The following FBLN7 variants were observed in gnomAD, a reference collection of about 807,000 sequenced individuals.
FBLN7 encodes the protein fibulin 7.
Under a neutral mutation model 44.0 loss-of-function variants are expected in FBLN7, and 31 were observed. The observed-to-expected ratio is 0.70, with a 90% CI of 0.53 to 0.95. FBLN7 has a LOEUF of 0.95. Among genes scored for constraint, FBLN7 ranks in the 40% least tolerant of loss-of-function variants. The probability of loss-of-function intolerance (pLI) is 0.00; values close to 1 mark genes in which losing one functional copy is unlikely to be tolerated. For missense variants in FBLN7, 573 were observed against 618.5 expected (o/e 0.93, Z 0.78); for synonymous variants, 262 against 253.4 (o/e 1.03, Z -0.32).
intron 1 of FBLN7, among the ~76,000 whole-genome samples, chr2:112,145,606 G>A (rs890050585): frequency 6.6e-6 from 1 of 152,044 alleles, no homozygotes; most frequent in South Asian, 2.1e-4. Context: ...TGTGTTTTGG[G>A]TGTCAAGTCT....
chr2:112,164,738 C>A (rs931280943), intron 2 of FBLN7, among the ~76,000 whole-genome samples: 2 of 152,224 alleles, frequency 1.3e-5, no homozygotes, highest in African/African-American at 4.8e-5. Context: ...GGGCCTCCCA[C>A]GCTTCGAGGC....
chr2:112,210,516 C>T, the FBLN7 span, among the ~76,000 whole-genome samples: 7 of 151,758 alleles, frequency 4.6e-5, no homozygotes, highest in African/African-American at 1.7e-4. Context: ...ATTAGCCAGG[C>T]ATAGTGGCAC....
chr2:112,235,693 T>G, the FBLN7 span, among the ~76,000 whole-genome samples: 1 of 152,130 alleles, frequency 6.6e-6, no homozygotes, highest in Non-Finnish European at 1.5e-5. Context: ...CTACCCTGCT[T>G]ACATCTACAG....
intron 3 of FBLN7, among the ~76,000 whole-genome samples, chr2:112,174,276 G>C (rs1339690083): frequency 6.6e-6 from 1 of 152,212 alleles, no homozygotes; most frequent in African/African-American, 2.4e-5. Flanking sequence ...TCTGCAAACA[G>C]AATGTATGAG....
At chr2:112,186,522 C>A (rs1207824282) in intron 7 of FBLN7, among the ~76,000 whole-genome samples, 1 of 152,116 alleles carries the variant, frequency 6.6e-6, no homozygotes, top group East Asian at 1.9e-4. Context: ...CACCTGTAAT[C>A]CCAGCTACCC....
the FBLN7 span, among the ~76,000 whole-genome samples, chr2:112,235,610 A>C: frequency 6.6e-6 from 1 of 152,144 alleles, no homozygotes; most frequent in Admixed American, 6.5e-5. Flanking sequence ...CATATGACCA[A>C]GCCTAATAAA....
At chr2:112,175,935 A>C in intron 4 of FBLN7, 96 bp downstream of exon 4, 22 of 1,437,200 alleles carry the variant, frequency 1.5e-5, no homozygotes, top group Non-Finnish European at 2.0e-5. Flanking sequence ...TAGGGAGCTC[A>C]GTCCCCCACT....
the FBLN7 span, among the ~76,000 whole-genome samples, chr2:112,224,552 A>G: frequency 1.3e-5 from 2 of 152,262 alleles, no homozygotes; most frequent in East Asian, 3.8e-4. Context: ...AGACTTGAAC[A>G]TAAATGTTCG....
chr2:112,184,910 A>G (rs1406208783), intron 6 of FBLN7, among the ~76,000 whole-genome samples: 2 of 151,642 alleles, frequency 1.3e-5, no homozygotes, highest in Admixed American at 1.3e-4. Flanking sequence ...AGAAGCAGAC[A>G]GGTCTAAGAG....
the FBLN7 span, among the ~76,000 whole-genome samples, chr2:112,235,687 C>A: frequency 3.3e-5 from 5 of 152,016 alleles, no homozygotes; most frequent in African/African-American, 1.2e-4. Context: ...ATTATTCTAC[C>A]CTGCTTACAT....
chr2:112,216,411 C>T, the FBLN7 span: 2 of 152,274 alleles, frequency 1.3e-5, no homozygotes, highest in African/African-American at 4.8e-5. Context: ...AATCACCAGT[C>T]TTGAACAGTC....
At chr2:112,226,321 G>A in the FBLN7 span, among the ~76,000 whole-genome samples, 1 of 151,992 alleles carries the variant, frequency 6.6e-6, no homozygotes, top group East Asian at 1.9e-4. Flanking sequence ...GGGCGCGGTA[G>A]CTCACGCCTG....
chr2:112,172,666 C>T (rs1682531463), intron 3 of FBLN7, among the ~76,000 whole-genome samples: 1 of 124,874 alleles, frequency 8.0e-6, no homozygotes, highest in Non-Finnish European at 1.6e-5. Flanking sequence ...CAGAGTCTCA[C>T]TCTGTTGCCC....
intron 3 of FBLN7, among the ~76,000 whole-genome samples, chr2:112,171,079 T>G (rs528218455): frequency 6.6e-6 from 1 of 152,302 alleles, no homozygotes; most frequent in African/African-American, 2.4e-5. Flanking sequence ...AGAATTCCAT[T>G]TTGGACATAT....
chr2:112,199,644 T>C, the FBLN7 span, among the ~76,000 whole-genome samples: 1 of 152,200 alleles, frequency 6.6e-6, no homozygotes, highest in Non-Finnish European at 1.5e-5. Flanking sequence ...TGTTAAGATG[T>C]TCCTCAGTTC....
intron 4 of FBLN7, among the ~76,000 whole-genome samples, chr2:112,181,131 T>C (rs571415778): frequency 6.6e-6 from 1 of 151,982 alleles, no homozygotes; most frequent in African/African-American, 2.4e-5. Flanking sequence ...TGGGAGTTAA[T>C]TGATAACAAC....
the FBLN7 span, chr2:112,231,797 TAAAAA>T: frequency 7.5e-7 from 1 of 1,341,984 alleles, no homozygotes. Flanking sequence ...ACATATTCCT[TAAAAA>T]AGAAAAAACA....
At chr2:112,182,504 C>T (rs561009857) in intron 5 of FBLN7, among the ~76,000 whole-genome samples, 14 of 152,302 alleles carry the variant, frequency 9.2e-5, no homozygotes, top group Admixed American at 3.3e-4. Flanking sequence ...CAGGGTCTCC[C>T]CAGGTGTCTT....
At chr2:112,236,453 G>C in the FBLN7 span, 1 of 1,425,656 alleles carries the variant, frequency 7.0e-7, no homozygotes, top group Non-Finnish European at 9.4e-7. Context: ...CGATTCTGTG[G>C]GATGCTTCCA....
Sources: gnomAD v4.1 joint callset for allele counts (sites outside exome capture counted in the v4.1 genomes callset) on GRCh38, gnomAD v4.1.1 for gene constraint, MANE v1.5 for transcripts, NCBI Gene and HGNC (gene_info 2026-07-23, HGNC 2026-07-21) for gene names.